YARS1: variants seen among roughly 807,000 people sequenced by gnomAD.
YARS1 encodes tyrosine--tRNA ligase, cytoplasmic.
Under a neutral mutation model 62.2 loss-of-function variants are expected in YARS1, and 36 were observed. The ratio of observed to expected loss-of-function variants is 0.58; its 90% CI spans 0.44 to 0.76. YARS1 has a LOEUF of 0.76. YARS1 is among the 30% of genes least tolerant of loss of function. YARS1 has a pLI of 0.00. For synonymous variants in YARS1, 234 were observed against 244.9 expected (o/e 0.96, Z 0.42); for missense variants, 524 against 639.8 (o/e 0.82, Z 1.95).
chr1:32,806,373 T>C (rs1010664268), intron 4 of YARS1, 109 bp downstream of exon 4: 1 of 1,582,002 alleles, frequency 6.3e-7, no homozygotes. Context: ...CTTCAATTTG[T>C]AAAAAACACA....
At chr1:32,793,191 G>A (rs1386220602) in intron 5 of YARS1, among the ~76,000 whole-genome samples, 1 of 152,110 alleles carries the variant, frequency 6.6e-6, no homozygotes, top group Non-Finnish European at 1.5e-5. Flanking sequence ...TGAGACATGA[G>A]TTTTATAAAG....
intron 4 of YARS1, among the ~76,000 whole-genome samples, chr1:32,798,572 C>T (rs542583475): frequency 6.6e-6 from 1 of 152,286 alleles, no homozygotes; most frequent in East Asian, 1.9e-4. Flanking sequence ...TGCGATGGCT[C>T]ACGCCTGTAA....
At chr1:32,795,245 G>C (rs550486059) in intron 5 of YARS1, among the ~76,000 whole-genome samples, 2 of 151,688 alleles carry the variant, frequency 1.3e-5, no homozygotes, top group African/African-American at 4.8e-5. Flanking sequence ...CGTGAACCCG[G>C]GAGGTGGAGG....
At chr1:32,798,874 T>C (rs1653689242) in intron 4 of YARS1, among the ~76,000 whole-genome samples, 1 of 152,114 alleles carries the variant, frequency 6.6e-6, no homozygotes, top group African/African-American at 2.4e-5. Context: ...CTGTCACTTA[T>C]GACATGCCAG....
intron 4 of YARS1, among the ~76,000 whole-genome samples, chr1:32,804,071 T>G (rs1454316402): frequency 2.8e-5 from 4 of 142,406 alleles, no homozygotes; most frequent in African/African-American, 7.4e-5. Context: ...GGTTATAGAT[T>G]AACAGCATCC....
intron 5 of YARS1, among the ~76,000 whole-genome samples, chr1:32,792,401 T>C (rs563571934): frequency 5.9e-5 from 9 of 152,196 alleles, no homozygotes; most frequent in South Asian, 2.1e-4. Flanking sequence ...ACAGAAAACA[T>C]AGCATCCTAC....
At chr1:32,814,658 G>A (rs1638660125) in intron 1 of YARS1, among the ~76,000 whole-genome samples, 1 of 152,106 alleles carries the variant, frequency 6.6e-6, no homozygotes, top group Non-Finnish European at 1.5e-5. Flanking sequence ...CCAAAGTGTT[G>A]GGATTACCGG....
In YARS1 at chr1:32,786,918, G is replaced by A. The variant is rs765526462; in HGVS notation, c.820+22C>T. The A allele has an allele frequency of 1.9e-6, 3 of 1,613,788 alleles. No homozygotes were observed. The Admixed American group carries it at 5.0e-5, about 27-fold the overall frequency. On this transcript the variant is annotated intron_variant, in intron 7 of 12. Coordinates refer to ENST00000373477, the MANE Select transcript of YARS1 (RefSeq NM_003680.4). ...CTTTTCTATTCTAGCCTGGCCTCTAGGAAGAAAACAGAGAGTGTTACCGGA... is the reference window on the plus strand; with the variant it reads ...CTTTTCTATTCTAGCCTGGCCTCTAAGAAGAAAACAGAGAGTGTTACCGGA...
At chr1:32,778,600 G>A (rs1478076663) in intron 12 of YARS1, among the ~76,000 whole-genome samples, 4 of 150,948 alleles carry the variant, frequency 2.6e-5, no homozygotes, top group Non-Finnish European at 5.9e-5. Flanking sequence ...GTAGAGATGG[G>A]GTTTTACTGT....
intron 5 of YARS1, among the ~76,000 whole-genome samples, chr1:32,797,293 G>C (rs1241158919): frequency 6.6e-6 from 1 of 151,700 alleles, no homozygotes; most frequent in Non-Finnish European, 1.5e-5. Context: ...AACTGCTTGA[G>C]CCCAGGCTGT....
chr1:32,805,239 G>C (rs1364584654), intron 4 of YARS1, among the ~76,000 whole-genome samples: 2 of 112,926 alleles, frequency 1.8e-5, no homozygotes, highest in Non-Finnish European at 3.7e-5. Context: ...GGGGGAGAGG[G>C]GGAGAGGGGG....
intron 8 of YARS1, among the ~76,000 whole-genome samples, chr1:32,785,134 C>T (rs1000193799): frequency 3.3e-5 from 5 of 152,152 alleles, no homozygotes; most frequent in Non-Finnish European, 5.9e-5. Context: ...CTCATCAAAG[C>T]CATTAACAAA....
rs750755497 is a variant in YARS1 at position 32,779,493 on chromosome 1, C to T, written c.1365G>A (p.Leu455=). The T allele has an allele frequency of 2.5e-6, 4 of 1,614,222 alleles. No individual in the cohort carries two copies. The East Asian group carries it at 8.9e-5, about 36-fold the overall frequency. The stretch of plus-strand genomic sequence containing the variant: ...CAGGAGCAGAGCCTGCCGGAGGGTC[C>T]AGAGGTTCAACCTGGCGGTTTATCC... The part of the protein sequence containing the change: ...IEGINRQVEP[L]DPPAGSAPGE... Residue 455 remains leucine (L), a synonymous_variant, in exon 12 of 13, where the codon CTG becomes CTA. Coordinates refer to ENST00000373477, the MANE Select transcript of YARS1 (RefSeq NM_003680.4).
chr1:32,817,097 C>T, intron 1 of YARS1, 91 bp downstream of exon 1: 1 of 1,532,944 alleles, frequency 6.5e-7, no homozygotes, highest in Non-Finnish European at 9.0e-7. Flanking sequence ...GTCCCCGGCC[C>T]CACATACTTA....
chr1:32,790,479 A>ACTGCAGCC (rs1443350207), intron 6 of YARS1, among the ~76,000 whole-genome samples: 4 of 131,088 alleles, frequency 3.1e-5, no homozygotes, highest in East Asian at 2.6e-4. Context: ...GCACCACTGC[A>ACTGCAGCC]CTGCAGCCTG....
chr1:32,795,297 C>T (rs1384064666), intron 5 of YARS1, among the ~76,000 whole-genome samples: 6 of 150,828 alleles, frequency 4.0e-5, no homozygotes, highest in East Asian at 2.0e-4. Context: ...CCAGCCTGGG[C>T]GACAGAGCAA....
chr1:32,804,917 C>T (rs1188877741), intron 4 of YARS1, among the ~76,000 whole-genome samples: 1 of 152,088 alleles, frequency 6.6e-6, no homozygotes, highest in Non-Finnish European at 1.5e-5. Context: ...GCTGAGATCA[C>T]GCCACTGCAC....
chr1:32,786,750 C>T, intron 7 of YARS1, 190 bp downstream of exon 7: 2 of 866,912 alleles, frequency 2.3e-6, no homozygotes, highest in Non-Finnish European at 3.5e-6. Flanking sequence ...CAGAACCTAG[C>T]CTGGTAACGA....
At chr1:32,808,351 T>A (rs1638509578) in intron 3 of YARS1, among the ~76,000 whole-genome samples, 1 of 151,876 alleles carries the variant, frequency 6.6e-6, no homozygotes. Flanking sequence ...TCCTGAGTAC[T>A]GGGATTACAG....
Sources: gnomAD v4.1 joint callset for allele counts (sites outside exome capture counted in the v4.1 genomes callset) on GRCh38, gnomAD v4.1.1 for gene constraint, MANE v1.5 for transcripts, NCBI Gene and HGNC (gene_info 2026-07-23, HGNC 2026-07-21) for gene names.